TNRC6A: variants seen among roughly 807,000 people sequenced by gnomAD.
TNRC6A encodes trinucleotide repeat-containing gene 6A protein.
TNRC6A carries 44 observed loss-of-function variants against 221.2 expected under a neutral mutation model. The ratio of observed to expected loss-of-function variants is 0.20; its 90% CI spans 0.16 to 0.26. The LOEUF is 0.26. TNRC6A is among the 10% of genes least tolerant of loss of function. TNRC6A has a pLI of 1.00. For synonymous variants in TNRC6A, 847 were observed against 838.5 expected (o/e 1.01, Z -0.18); for missense variants, 2,199 against 2,404.4 (o/e 0.91, Z 1.79).
At chr16:24,664,639 A>AATATAAAT (rs1462569356) in intron 2 of TNRC6A, among the ~76,000 whole-genome samples, 3,674 of 143,124 alleles carry the variant, frequency 0.026, 122 homozygotes, top group East Asian at 0.13. Context: ...ATTATTAATA[A>AATATAAAT]ATATATTTAT....
chr16:24,709,026 G>T (rs981982017), intron 2 of TNRC6A, among the ~76,000 whole-genome samples: 4 of 152,160 alleles, frequency 2.6e-5, no homozygotes, highest in Non-Finnish European at 5.9e-5. Context: ...GGAGGCTGAG[G>T]CAGGCAGATT....
intron 2 of TNRC6A, among the ~76,000 whole-genome samples, chr16:24,687,063 G>A (rs2055640992): frequency 6.6e-6 from 1 of 152,150 alleles, no homozygotes; most frequent in Non-Finnish European, 1.5e-5. Context: ...TTAAATAAGT[G>A]AATGCATGCA....
At chr16:24,809,582 A>G (rs891501878) in intron 18 of TNRC6A, 101 bp downstream of exon 18, 12 of 1,313,378 alleles carry the variant, frequency 9.1e-6, no homozygotes, top group Non-Finnish European at 1.2e-5. Context: ...TTTCAAAGCC[A>G]AATTATCTTA....
chr16:24,742,024 C>T (rs2056902916), intron 2 of TNRC6A, among the ~76,000 whole-genome samples: 1 of 152,094 alleles, frequency 6.6e-6, no homozygotes, highest in Admixed American at 6.6e-5. Context: ...TTTGTAGAGA[C>T]AGGGTCTTGC....
At chr16:24,680,327 G>C (rs77989568) in intron 2 of TNRC6A, among the ~76,000 whole-genome samples, 28,844 of 151,562 alleles carry the variant, frequency 0.19, 2,844 homozygotes, top group Non-Finnish European at 0.23. Flanking sequence ...AGGCTGAGGA[G>C]GGAGGATTGC....
chr16:24,796,453 T>C (rs2058221213), intron 9 of TNRC6A: 1 of 152,504 alleles, frequency 6.6e-6, no homozygotes. Context: ...TCAGGGAGCA[T>C]CTGCGTTAAT....
At chr16:24,675,422 T>G (rs1042790904) in intron 2 of TNRC6A, among the ~76,000 whole-genome samples, 24 of 152,062 alleles carry the variant, frequency 1.6e-4, no homozygotes, top group Admixed American at 8.5e-4. Flanking sequence ...GGTTCATATG[T>G]GTAATCCCAG....
rs911341837 is a variant in TNRC6A, at chr16:24,804,387, A to G, written c.3837+68A>G. ...ACTTCATAGCGTAATTTTCACACTA[A>G]TATTTTAAAACCTTTTATATAATAT... On this transcript the variant is annotated intron_variant, in intron 12 of 24. Coordinates refer to ENST00000395799, the MANE Select transcript of TNRC6A (RefSeq NM_014494.4). 1.0e-5 allele frequency: 16 copies of G among 1,524,430 alleles called. No individual in the cohort carries two copies. The East Asian group carries it at 2.8e-4, about 26-fold the overall frequency. 94.4% of individuals were successfully genotyped at this position (1,524,430 alleles called of 1,614,324 possible).
At chr16:24,613,422 T>C (rs1900162945) in intron 1 of TNRC6A, among the ~76,000 whole-genome samples, 1 of 151,398 alleles carries the variant, frequency 6.6e-6, no homozygotes. Context: ...CTGGGATCAA[T>C]GAGCAACTAT....
intron 2 of TNRC6A, among the ~76,000 whole-genome samples, chr16:24,739,478 CTTTTTTTT>C (rs71383710): frequency 1.7e-5 from 2 of 118,294 alleles, no homozygotes; most frequent in African/African-American, 6.5e-5. Flanking sequence ...TTTCCTTTCA[CTTTTTTTT>C]TTTTTTTTTT....
intron 2 of TNRC6A, among the ~76,000 whole-genome samples, chr16:24,741,556 G>A (rs12925982): frequency 0.24 from 36,376 of 151,992 alleles, 4,871 homozygotes; most frequent in Non-Finnish European, 0.31. Context: ...TATTCATAAG[G>A]GTTATTGGCC....
chr16:24,628,885 A>T (rs1901182453), intron 1 of TNRC6A, among the ~76,000 whole-genome samples: 1 of 152,052 alleles, frequency 6.6e-6, no homozygotes, highest in African/African-American at 2.4e-5. Context: ...TGGGAGACAG[A>T]CACCCAGGCT....
At position 24,790,976 on chromosome 16, in the gene TNRC6A, A is replaced by G; in HGVS notation, c.2334A>G (p.Ser778=). 1.2e-6 allele frequency: 2 copies of G among 1,606,750 alleles called. No homozygotes were observed. The highest frequency in any genetic ancestry group is 1.7e-6 in the Non-Finnish European group (2 of 1,176,356). Residue 778 remains serine (S), a synonymous_variant, in exon 6 of 25, where the codon TCA becomes TCG. Transcript: ENST00000395799. ...DKTSPNGNDT[S]SVSGWGDPKP... ...CTAGCCCTAATGGTAATGATACCTC[A>G]TCTGTATCAGGGTGGGGCGATCCCA...
At chr16:24,793,920 TCTAGGAAGAGTCTA>T (rs1393695206) in intron 7 of TNRC6A, among the ~76,000 whole-genome samples, 2 of 152,222 alleles carry the variant, frequency 1.3e-5, no homozygotes, top group Non-Finnish European at 2.9e-5. Context: ...AATTAGGTTA[TCTAGGAAGAGTCTA>T]CTAGCAACTT....
intron 2 of TNRC6A, among the ~76,000 whole-genome samples, chr16:24,660,728 C>CT (rs138458968): frequency 0.11 from 13,819 of 122,374 alleles, 772 homozygotes; most frequent in East Asian, 0.2. Flanking sequence ...TTTCTTTTTT[C>CT]TTTTTTTTTT....
chr16:24,788,590 G>T (rs1189205387), intron 5 of TNRC6A, among the ~76,000 whole-genome samples: 2 of 151,906 alleles, frequency 1.3e-5, no homozygotes, highest in African/African-American at 2.4e-5. Context: ...TTCTATGCCT[G>T]GGTTGTTCCG....
chr16:24,624,913 G>A (rs1900877404), intron 1 of TNRC6A, among the ~76,000 whole-genome samples: 1 of 152,210 alleles, frequency 6.6e-6, no homozygotes, highest in Admixed American at 6.5e-5. Flanking sequence ...AATGGTTGAT[G>A]TGTGCTAAAA....
chr16:24,711,094 C>T (rs2056197251), intron 2 of TNRC6A, among the ~76,000 whole-genome samples: 1 of 152,082 alleles, frequency 6.6e-6, no homozygotes, highest in Non-Finnish European at 1.5e-5. Flanking sequence ...CCAGGATGGT[C>T]TCAATCTCCT....
chr16:24,622,731 T>A (rs1280745154), intron 1 of TNRC6A, among the ~76,000 whole-genome samples: 1 of 152,132 alleles, frequency 6.6e-6, no homozygotes, highest in East Asian at 1.9e-4. Flanking sequence ...AAAGCAAAAC[T>A]AGCCAGAAGC....
Sources: allele counts gnomAD v4.1 joint callset (sites outside exome capture counted in the v4.1 genomes callset), GRCh38; gene constraint gnomAD v4.1.1; transcripts MANE v1.5; gene names NCBI Gene and HGNC (gene_info 2026-07-23, HGNC 2026-07-21).